IGDCC4: variants seen among roughly 807,000 people sequenced by gnomAD.
IGDCC4 encodes likely ortholog of mouse neighbor of Punc E11.
IGDCC4 carries 72 observed loss-of-function variants against 116.6 expected under a neutral mutation model. That is an observed-to-expected ratio of 0.62 (90% CI 0.51 to 0.75). The LOEUF is 0.75. Ranked by LOEUF, IGDCC4 falls within the 30% of genes least tolerant of loss-of-function variation. IGDCC4 has a pLI of 0.00. For missense variants in IGDCC4, 1,501 were observed against 1,662.4 expected, an observed-to-expected ratio of 0.90 and a Z score of 1.69; for synonymous variants, 709 against 719.9, an observed-to-expected ratio of 0.98 and a Z score of 0.24.
At chr15:65,401,896 A>G (rs2062990341) in intron 4 of IGDCC4, among the ~76,000 whole-genome samples, 1 of 152,174 alleles carries the variant, frequency 6.6e-6, no homozygotes, top group Admixed American at 6.5e-5. Flanking sequence ...CGAGTAAAGG[A>G]TAAGAGCACT....
chr15:65,392,358 G>C lies in IGDCC4; in HGVS notation c.1898C>G (p.Pro633Arg). 6.5e-7 allele frequency: 1 copy of C among 1,527,948 alleles called. No individual in the cohort carries two copies. The allele number at this position is 1,527,948 out of a possible 1,614,324, so 94.6% of individuals were successfully genotyped here. A position where few individuals can be genotyped will look rare whatever the true frequency, so the allele number is the denominator to read the frequency against. ...MHNQSHVPFAPAELKVQAKME... is the reference protein window; with the variant it reads ...MHNQSHVPFARAELKVQAKME... ...CTTTGCCTGCACCTTCAACTCTGCA[G>C]GGGCAAAAGGGACTGGGGGGCAGAG... Residue 633 changes from proline to arginine, a missense_variant, in exon 11 of 20, where the codon CCT becomes CGT. Coordinates refer to ENST00000352385, the MANE Select transcript of IGDCC4 (RefSeq NM_020962.3).
At chr15:65,388,319 C>T in intron 16 of IGDCC4, 130 bp downstream of exon 16, 7 of 1,220,530 alleles carry the variant, frequency 5.7e-6, no homozygotes, top group Non-Finnish European at 8.1e-6. Context: ...ACACCTATTT[C>T]CCCTTCACAT....
rs938910706 is a variant in IGDCC4, at chr15:65,381,952, A to G, written c.*2057T>C. Reference sequence around the variant, plus strand: ...TTCCACCCAACCTAATGGGTTATAAATTGTCTCATTTGCAGCTATTTAATT... The same window carrying G: ...TTCCACCCAACCTAATGGGTTATAAGTTGTCTCATTTGCAGCTATTTAATT... On this transcript the variant is annotated 3_prime_UTR_variant, in exon 20 of 20. Coordinates refer to ENST00000352385, the MANE Select transcript of IGDCC4 (RefSeq NM_020962.3). 1 of 152,608 alleles carries G rather than the reference A, an allele frequency of 6.6e-6. No homozygotes were observed. Among genetic ancestry groups the G allele is most frequent in the African/African-American group, 2.4e-5 (1 of 41,458 alleles). The allele number at this position is 152,608 out of a possible 1,614,324, so 9.5% of individuals were successfully genotyped here.
At position 65,386,067 on chromosome 15, in the gene IGDCC4, G is replaced by A. The variant is rs753029923; in HGVS notation, c.2952-8C>T. 2.0e-5 allele frequency: 29 copies of A among 1,478,870 alleles called. No individual in the cohort carries two copies. The South Asian group carries it at 3.8e-4, about 19-fold the overall frequency. 91.6% of individuals were successfully genotyped at this position (1,478,870 alleles called of 1,614,324 possible). On this transcript the variant is annotated splice_polypyrimidine_tract_variant and splice_region_variant and intron_variant, in intron 17 of 19. Coordinates refer to ENST00000352385, the MANE Select transcript of IGDCC4 (RefSeq NM_020962.3). ...AGGCCTGGGAGGGATTCCCTGGAAG[G>A]GAAGACGGAAAACAAGGCATAGCGG...
chr15:65,402,543 T>C, intron 3 of IGDCC4, 56 bp from the exon 4 acceptor site: 1 of 1,543,120 alleles, frequency 6.5e-7, no homozygotes, highest in Non-Finnish European at 8.8e-7. Context: ...ACAGGGAGGG[T>C]GGCTCATGGT....
At chr15:65,385,426 G>A in intron 18 of IGDCC4, 1 of 522,112 alleles carries the variant, frequency 1.9e-6, no homozygotes, top group Non-Finnish European at 3.4e-6. Context: ...GCCCCTGCCA[G>A]CATGAAAGGG....
Position 65,396,860 on chromosome 15 carries a change from G to A in IGDCC4, c.971C>T (p.Thr324Ile), listed in dbSNP as rs1419978624. The change falls in exon 6 of 20, where the codon ACT becomes ATT. Residue 324 changes from threonine to isoleucine, a missense_variant. Physicochemically the swap from Thr to Ile is moderately conservative, Grantham distance 89. Coordinates refer to ENST00000352385, the MANE Select transcript of IGDCC4 (RefSeq NM_020962.3). Reference protein sequence around the residue: ...ANKPRTRDFATAAAELRVLAA... With the variant: ...ANKPRTRDFAIAAAELRVLAA... ...CAGCACACGGAGCTCAGCGGCTGCAGTGGCGAAGTCGCGCGTGCGGGGCTT... is the reference window on the plus strand; with the variant it reads ...CAGCACACGGAGCTCAGCGGCTGCAATGGCGAAGTCGCGCGTGCGGGGCTT... The A allele has an allele frequency of 5.1e-6, 8 of 1,576,008 alleles. No homozygotes were observed. The highest frequency in any genetic ancestry group is 6.9e-6 in the Non-Finnish European group (8 of 1,160,994).
chr15:65,398,585 G>GAAAAC (rs2062950714), intron 5 of IGDCC4, among the ~76,000 whole-genome samples: 1 of 130,710 alleles, frequency 7.7e-6, no homozygotes, highest in South Asian at 2.7e-4. Flanking sequence ...GAGAGAGAAA[G>GAAAAC]AAAACAAAAC....
intron 11 of IGDCC4, 34 bp downstream of exon 11, chr15:65,392,100 A>T: frequency 6.8e-7 from 1 of 1,469,486 alleles, no homozygotes; most frequent in Non-Finnish European, 9.3e-7. Flanking sequence ...CTGAAGCTAC[A>T]TCCCTCCCTC....
intron 6 of IGDCC4, chr15:65,396,403 C>A: frequency 1.5e-6 from 1 of 670,676 alleles, no homozygotes; most frequent in Non-Finnish European, 2.7e-6. Flanking sequence ...TGTCCCCAGG[C>A]CTCCTCAGCC....
chr15:65,396,260 C>A (rs777874462), intron 6 of IGDCC4, 97 bp from the exon 7 acceptor site: 3 of 1,295,686 alleles, frequency 2.3e-6, no homozygotes, highest in African/African-American at 1.5e-5. Flanking sequence ...CGCCCTCCCT[C>A]GCTCCCCTTC....
chr15:65,383,147 T>C lies in IGDCC4; in HGVS notation c.*862A>G. The C allele has an allele frequency of 6.5e-6, 1 of 153,010 alleles. No individual in the cohort carries two copies. Among genetic ancestry groups the C allele is most frequent in the South Asian group, 2.1e-4 (1 of 4,848 alleles). 9.5% of individuals were successfully genotyped at this position (153,010 alleles called of 1,614,324 possible). On this transcript the variant is annotated 3_prime_UTR_variant, in exon 20 of 20. Transcript: ENST00000352385. ...GGATACAGGAAGGGCACGGGGGCCTTGAAGCAGACATGAGGTAGTCACGTT... is the reference window on the plus strand; with the variant it reads ...GGATACAGGAAGGGCACGGGGGCCTCGAAGCAGACATGAGGTAGTCACGTT...
At position 65,384,580 on chromosome 15, in the gene IGDCC4, C is replaced by G. The variant is rs921900640; in HGVS notation, c.3343-161G>C. On this transcript the variant is annotated intron_variant, in intron 19 of 19. Coordinates refer to ENST00000352385, the MANE Select transcript of IGDCC4 (RefSeq NM_020962.3). This position sits in a 1 kb window ranked among gnomAD's most constrained non-coding sequence, Gnocchi z 4.9. ...GGAACTGTTCGAACCTATACAAAGG[C>G]AGGGAATGATGGAATACTTCCCATT... Among the ~76,000 whole-genome samples, 3 of 152,154 alleles carry G rather than the reference C, an allele frequency of 2.0e-5. No homozygotes were observed. Among genetic ancestry groups the G allele is most frequent in the Non-Finnish European group, 4.4e-5 (3 of 68,034 alleles).
intron 6 of IGDCC4, 128 bp from the exon 7 acceptor site, chr15:65,396,291 T>C (rs1473797615): frequency 1.0e-6 from 1 of 973,268 alleles, no homozygotes; most frequent in Non-Finnish European, 1.5e-6. Flanking sequence ...AACCTCTCCC[T>C]GATTCACCCT....
chr15:65,393,579 G>T lies in IGDCC4; in HGVS notation c.1715-48C>A. ...CTGCTGGGTAGCCACCTGAGGAACA[G>T]GATCCTAAACCCCCCTACATGGCTC... is the stretch of plus-strand genomic sequence containing the variant. On this transcript the variant is annotated intron_variant, in intron 9 of 19. Coordinates refer to ENST00000352385, the MANE Select transcript of IGDCC4 (RefSeq NM_020962.3). The surrounding 1 kb of genome is among the most constrained non-coding windows in gnomAD (Gnocchi z 4.6). The T allele has an allele frequency of 3.9e-6, 6 of 1,547,164 alleles. No individual in the cohort carries two copies. Among genetic ancestry groups the T allele is most frequent in the Non-Finnish European group, 5.3e-6 (6 of 1,141,240 alleles).
chr15:65,385,971 C>A lies in IGDCC4; in HGVS notation c.3040G>T (p.Ala1014Ser). The change falls in exon 18 of 20, where the codon GCT (alanine) becomes TCT (serine). Residue 1014 changes from alanine (A) to serine (S), a missense_variant. By Grantham distance (99) the Ala-to-Ser change is moderately conservative (BLOSUM62 1). Coordinates refer to ENST00000352385, the MANE Select transcript of IGDCC4 (RefSeq NM_020962.3). The part of the protein sequence containing the change: ...RARLGPPSPP[A>S]AHELESLVHP... ...ACAAGGGACTCCAATTCATGGGCAG[C>A]TGGGGGGCTGGGGGGGCCAAGCCGA... 1 of 1,540,786 alleles carries A rather than the reference C, an allele frequency of 6.5e-7. No individual in the cohort carries two copies. Among genetic ancestry groups the A allele is most frequent in the South Asian group, 1.1e-5 (1 of 87,498 alleles).
chr15:65,402,210 G>A (rs2062993869), intron 4 of IGDCC4, 141 bp downstream of exon 4: 3 of 1,008,196 alleles, frequency 3.0e-6, no homozygotes, highest in Non-Finnish European at 4.2e-6. Context: ...CCCTCTCTGG[G>A]CTTCATCGCC....
intron 3 of IGDCC4, among the ~76,000 whole-genome samples, chr15:65,408,594 T>A (rs538265664): frequency 6.6e-6 from 1 of 152,342 alleles, no homozygotes; most frequent in South Asian, 2.1e-4. Flanking sequence ...CCTTGCCAAC[T>A]CCAGGAGGGA....
intron 4 of IGDCC4, among the ~76,000 whole-genome samples, chr15:65,401,903 C>A (rs2062990421): frequency 6.6e-6 from 1 of 152,168 alleles, no homozygotes; most frequent in Non-Finnish European, 1.5e-5. Flanking sequence ...AGGATAAGAG[C>A]ACTAGGCCAC....
Sources: allele counts gnomAD v4.1 joint callset (sites outside exome capture counted in the v4.1 genomes callset), GRCh38; gene constraint gnomAD v4.1.1; non-coding constraint Gnocchi (gnomAD v3.1); transcripts MANE v1.5; gene names NCBI Gene and HGNC (gene_info 2026-07-23, HGNC 2026-07-21).